The following SERGEF variants were observed in gnomAD, a reference collection of about 807,000 sequenced individuals.
The protein encoded by SERGEF is secretion-regulating guanine nucleotide exchange factor.
A neutral mutation model predicts 50.0 loss-of-function variants in SERGEF; 51 were observed. That is an observed-to-expected ratio of 1.02 (90% CI 0.81 to 1.29). SERGEF has a LOEUF of 1.29. Among genes scored for constraint, SERGEF ranks in the 50% most tolerant of loss-of-function variants. The pLI, the probability that SERGEF is intolerant of heterozygous loss-of-function variation, is 0.00. For synonymous variants in SERGEF, 205 were observed against 212.4 expected, an observed-to-expected ratio of 0.97 and a Z score of 0.30; for missense variants, 521 against 557.0, an observed-to-expected ratio of 0.94 and a Z score of 0.65.
chr11:17,873,724 C>A (rs1455614390), intron 10 of SERGEF, among the ~76,000 whole-genome samples: 2 of 151,690 alleles, frequency 1.3e-5, no homozygotes, highest in East Asian at 3.9e-4. Context: ...AATAACCAAC[C>A]CTTTAACAAT....
intron 10 of SERGEF, among the ~76,000 whole-genome samples, chr11:17,838,385 C>T (rs1220778288): frequency 6.6e-6 from 1 of 152,064 alleles, no homozygotes; most frequent in Non-Finnish European, 1.5e-5. Flanking sequence ...ATAGAGAGAG[C>T]TATGGAGAGG....
In SERGEF at chr11:17,826,325, A is replaced by G. The variant is rs541874096; in HGVS notation, c.1049-37912T>C. ...CAGATCCACTCCATGCAAAGCAGCT[A>G]TATTGACACTAATTTTGTAACCATC... On this transcript the variant is annotated intron_variant, in intron 10 of 10. Coordinates refer to ENST00000265965, the MANE Select transcript of SERGEF (RefSeq NM_012139.4). Among the ~76,000 whole-genome samples, 14 of 152,364 alleles carry G rather than the reference A, an allele frequency of 9.2e-5. 1 individual carries two copies. The South Asian group carries it at 2.9e-3, about 32-fold the overall frequency.
intron 10 of SERGEF, among the ~76,000 whole-genome samples, chr11:17,791,310 T>C (rs1281397012): frequency 1.3e-5 from 2 of 152,226 alleles, no homozygotes; most frequent in Non-Finnish European, 1.5e-5. Context: ...TCAAAGAGTA[T>C]AGGCATTTTT....
chr11:17,861,637 T>G (rs1171039158), intron 10 of SERGEF, among the ~76,000 whole-genome samples: 1 of 152,238 alleles, frequency 6.6e-6, no homozygotes, highest in Non-Finnish European at 1.5e-5. Flanking sequence ...TACTGACACA[T>G]GCATGCGTGC....
intron 10 of SERGEF, among the ~76,000 whole-genome samples, chr11:17,847,194 G>A (rs934041823): frequency 1.3e-5 from 2 of 152,248 alleles, no homozygotes; most frequent in African/African-American, 4.8e-5. Flanking sequence ...CTGTAAGCAG[G>A]TGGGTGGGCG....
chr11:17,815,944 A>C (rs113732665), intron 10 of SERGEF, among the ~76,000 whole-genome samples: 91 of 152,290 alleles, frequency 6.0e-4, no homozygotes, highest in Non-Finnish European at 9.7e-4. Flanking sequence ...ACAAACAAAC[A>C]AAAAACACTG....
At position 17,788,404 on chromosome 11, in the gene SERGEF, C is replaced by T. The variant is rs1265979548; in HGVS notation, c.1058G>A (p.Cys353Tyr). 6.2e-7 allele frequency: 1 copy of T among 1,603,282 alleles called. No homozygotes were observed. The highest frequency in any genetic ancestry group is 1.3e-5 in the African/African-American group (1 of 74,734). ...EHNLAIIGGV[C>Y]YSWGWNEHGM... is the part of the protein sequence containing the mutation. ...ATGCTCATTCCAGCCCCAAGAGTAA[C>T]ACACTCCACCTGTGAAGGAGAGGGA... The change falls in exon 11 of 11, where the codon TGT becomes TAT. Residue 353 changes from cysteine (C) to tyrosine (Y), a missense_variant. By Grantham distance (194) the Cys-to-Tyr change is radical (BLOSUM62 -2). Coordinates refer to ENST00000265965, the MANE Select transcript of SERGEF (RefSeq NM_012139.4).
At chr11:17,886,303 T>C (rs185363675) in intron 9 of SERGEF, among the ~76,000 whole-genome samples, 1 of 152,258 alleles carries the variant, frequency 6.6e-6, no homozygotes, top group East Asian at 1.9e-4. Context: ...GCAACTGGCA[T>C]AGGTTCACTA....
At chr11:17,825,935 T>C (rs1489512471) in intron 10 of SERGEF, among the ~76,000 whole-genome samples, 1 of 152,202 alleles carries the variant, frequency 6.6e-6, no homozygotes, top group Non-Finnish European at 1.5e-5. Flanking sequence ...GAGTATGGGT[T>C]TGAATCCCAG....
chr11:17,998,149 C>G (rs1166287767), intron 5 of SERGEF, among the ~76,000 whole-genome samples: 3 of 151,944 alleles, frequency 2.0e-5, no homozygotes, highest in Non-Finnish European at 4.4e-5. Flanking sequence ...CAGAGGCTCA[C>G]ACCTGTAATC....
At chr11:17,985,186 C>T (rs1192249138) in intron 8 of SERGEF, among the ~76,000 whole-genome samples, 1 of 152,186 alleles carries the variant, frequency 6.6e-6, no homozygotes, top group Non-Finnish European at 1.5e-5. Context: ...AAACAGAAGT[C>T]TTTCTAAAAG....
intron 10 of SERGEF, among the ~76,000 whole-genome samples, chr11:17,803,640 C>T (rs556392394): frequency 6.6e-6 from 1 of 152,362 alleles, no homozygotes; most frequent in African/African-American, 2.4e-5. Flanking sequence ...CACTTGTTCC[C>T]TTCCCCATCT....
intron 8 of SERGEF, among the ~76,000 whole-genome samples, chr11:17,976,493 G>A (rs1364485616): frequency 7.8e-6 from 1 of 128,858 alleles, no homozygotes; most frequent in Non-Finnish European, 1.6e-5. Flanking sequence ...GCAGAGATGG[G>A]ATTTCACCAT....
At chr11:17,932,083 G>A (rs1852362819) in intron 9 of SERGEF, among the ~76,000 whole-genome samples, 1 of 152,128 alleles carries the variant, frequency 6.6e-6, no homozygotes, top group South Asian at 2.1e-4. Context: ...TGTCAGAGAA[G>A]GAAGAGAAAG....
chr11:18,003,290 T>G (rs1413205272), intron 4 of SERGEF, among the ~76,000 whole-genome samples: 3 of 152,212 alleles, frequency 2.0e-5, no homozygotes, highest in Non-Finnish European at 4.4e-5. Flanking sequence ...ATATTCCTAT[T>G]ATGATCACTT....
At chr11:17,913,006 G>C (rs532113227) in intron 9 of SERGEF, among the ~76,000 whole-genome samples, 153 of 152,328 alleles carry the variant, frequency 1.0e-3, no homozygotes, top group African/African-American at 3.5e-3. Context: ...TAAAGTCTGT[G>C]CCCATCTCAG....
At chr11:17,841,803 TTC>T (rs1293797691) in intron 10 of SERGEF, among the ~76,000 whole-genome samples, 2 of 152,218 alleles carry the variant, frequency 1.3e-5, no homozygotes, top group Non-Finnish European at 2.9e-5. Flanking sequence ...CATATTGACC[TTC>T]TCACTTCTTT....
intron 10 of SERGEF, among the ~76,000 whole-genome samples, chr11:17,844,479 C>T (rs1216827690): frequency 6.6e-6 from 1 of 152,182 alleles, no homozygotes; most frequent in Admixed American, 6.5e-5. Flanking sequence ...CTTTCCTAGG[C>T]AGTCAGTATA....
chr11:17,900,718 A>T (rs1051711934), intron 9 of SERGEF, among the ~76,000 whole-genome samples: 1 of 152,154 alleles, frequency 6.6e-6, no homozygotes, highest in African/African-American at 2.4e-5. Context: ...AGTTATAACC[A>T]CCAGGTGCTC....
Sources: allele counts gnomAD v4.1 joint callset (sites outside exome capture counted in the v4.1 genomes callset), GRCh38; gene constraint gnomAD v4.1.1; transcripts MANE v1.5; gene names NCBI Gene and HGNC (gene_info 2026-07-23, HGNC 2026-07-21).